Variants in RIF1 observed in about 807,000 individuals in gnomAD.
RIF1 encodes the protein telomere-associated protein RIF1.
RIF1 carries 45 observed loss-of-function variants against 247.1 expected under a neutral mutation model. The ratio of observed to expected loss-of-function variants is 0.18; its 90% CI spans 0.14 to 0.23. RIF1 has a LOEUF of 0.23. Ranked by LOEUF, RIF1 falls within the 10% of genes least tolerant of loss-of-function variation. The probability of loss-of-function intolerance (pLI) is 1.00; values close to 1 mark genes in which losing one functional copy is unlikely to be tolerated. For missense variants in RIF1, 2,967 were observed against 2,862.5 expected, an observed-to-expected ratio of 1.04 and a Z score of -0.83; for synonymous variants, 1,087 against 978.8, an observed-to-expected ratio of 1.11 and a Z score of -2.06.
chr2:151,462,375 A>G, intron 28 of RIF1, 37 bp from the exon 29 acceptor site: 4 of 1,461,542 alleles, frequency 2.7e-6, no homozygotes, highest in Non-Finnish European at 3.7e-6. Flanking sequence ...TTTTCAAATA[A>G]TTATAAAAAT....
chr2:151,469,809 G>A lies in RIF1; in HGVS notation c.7040G>A (p.Arg2347His), dbSNP rs1697518698. Residue 2347 changes from arginine to histidine, a missense_variant, in exon 34 of 36, where the codon CGT becomes CAT. This residue lies in a region of RIF1 where 151 missense variants were observed against 163.4 expected (regional missense o/e 0.92). Coordinates refer to ENST00000444746, the MANE Select transcript of RIF1 (RefSeq NM_018151.5). Reference protein sequence around the residue: ...TASEIKTLPIRSPKVSNVKKA... With the variant: ...TASEIKTLPIHSPKVSNVKKA... ...TCTGAAATAAAAACTCTTCCTATCC[G>A]TTCTCCAAAAGTGTCCAATGTAAAA... The A allele has an allele frequency of 6.8e-6, 11 of 1,611,240 alleles. No individual in the cohort carries two copies. Among genetic ancestry groups the A allele is most frequent in the Middle Eastern group, 1.6e-4 (1 of 6,062 alleles).
chr2:151,478,123 A>G lies in RIF1; in HGVS notation c.*3052A>G, dbSNP rs1300631601. The G allele has an allele frequency of 6.6e-6, 1 of 152,238 alleles. No individual in the cohort carries two copies. Among genetic ancestry groups the G allele is most frequent in the African/African-American group, 2.4e-5 (1 of 41,456 alleles). The allele number at this position is 152,238 out of a possible 1,614,324, so 9.4% of individuals were successfully genotyped here. A position where few individuals can be genotyped will look rare whatever the true frequency, so the allele number is the denominator to read the frequency against. On this transcript the variant is annotated 3_prime_UTR_variant, in exon 36 of 36. Coordinates refer to ENST00000444746, the MANE Select transcript of RIF1 (RefSeq NM_018151.5). ...TGCCACTTGTACAAGTTTGAAAACC[A>G]TTGTTGAATCATATGGAGCTTTACT...
At position 151,456,614 on chromosome 2, in the gene RIF1, C is replaced by A. The variant is rs1695234279; in HGVS notation, c.2646C>A (p.Asn882Lys). Residue 882 changes from asparagine to lysine, a missense_variant, in exon 23 of 36, where the codon AAC becomes AAA. By Grantham distance (94) the Asn-to-Lys change is moderately conservative (BLOSUM62 0). Transcript: ENST00000444746. Reference sequence around the variant, plus strand: ...TTCCTAAAGTATATAGTTGTCTGAACAACAAGGTAAAAATAGACAATTCTC... The same window carrying A: ...TTCCTAAAGTATATAGTTGTCTGAAAAACAAGGTAAAAATAGACAATTCTC... ...DEVPKVYSCLNNKLEKLLGEI... is the reference protein window; with the variant it reads ...DEVPKVYSCLKNKLEKLLGEI... 1 of 1,506,180 alleles carries A rather than the reference C, an allele frequency of 6.6e-7. No homozygotes were observed. The highest frequency in any genetic ancestry group is 9.1e-7 in the Non-Finnish European group (1 of 1,095,218). 93.3% of individuals were successfully genotyped at this position (1,506,180 alleles called of 1,614,324 possible). A position where few individuals can be genotyped will look rare whatever the true frequency, so the allele number is the denominator to read the frequency against.
chr2:151,495,918 AAG>A (rs999597063), intron 10 of RIF1, among the ~76,000 whole-genome samples: 2 of 152,194 alleles, frequency 1.3e-5, no homozygotes, highest in South Asian at 2.1e-4. Flanking sequence ...ATATTTAAGA[AAG>A]AGCCGCATTG....
At position 151,436,839 on chromosome 2, in the gene RIF1, C is replaced by A. The variant is rs145491800; in HGVS notation, c.1208C>A (p.Pro403Gln). 2 of 1,597,678 alleles carry A rather than the reference C, an allele frequency of 1.3e-6. No homozygotes were observed. Among genetic ancestry groups the A allele is most frequent in the African/African-American group, 2.7e-5 (2 of 73,814 alleles). The stretch of plus-strand genomic sequence containing the variant: ...TTTTTTCTTAAAGGTGCTTCCTCCC[C>A]GTACGGAGCCCCGGGAACTCCCCGA... ...MTPVHKGASS[P>Q]YGAPGTPRMN... is the part of the protein sequence containing the mutation. Residue 403 changes from proline (P) to glutamine (Q), a missense_variant, in exon 12 of 36, where the codon CCG (proline) becomes CAG (glutamine). Physicochemically the swap from Pro to Gln is moderately conservative, Grantham distance 76 (BLOSUM62 -1). This residue lies in a region of RIF1 where 369 missense variants were observed against 322.0 expected (regional missense o/e 1.15). Coordinates refer to ENST00000444746, the MANE Select transcript of RIF1 (RefSeq NM_018151.5).
intron 34 of RIF1, 51 bp downstream of exon 34, chr2:151,469,915 T>C (rs1697532205): frequency 7.5e-7 from 1 of 1,335,110 alleles, no homozygotes; most frequent in Non-Finnish European, 1.0e-6. Flanking sequence ...GATGTAGCAG[T>C]ACAGTTACAG....
intron 9 of RIF1, among the ~76,000 whole-genome samples, chr2:151,432,259 C>T (rs1690296192): frequency 6.6e-6 from 1 of 152,220 alleles, no homozygotes. Context: ...ACCAACCTGC[C>T]TCATCCTCCC....
chr2:151,421,610 A>G (rs988497734), intron 7 of RIF1, among the ~76,000 whole-genome samples: 3 of 152,182 alleles, frequency 2.0e-5, no homozygotes, highest in Admixed American at 6.5e-5. Context: ...AGGTCTCACT[A>G]TATTACCCAA....
At chr2:151,494,712 G>C (rs571380556) in intron 9 of RIF1, among the ~76,000 whole-genome samples, 1 of 152,106 alleles carries the variant, frequency 6.6e-6, no homozygotes, top group Non-Finnish European at 1.5e-5. Context: ...GCAATGGCAC[G>C]ATCCCTGCTC....
At chr2:151,517,272 C>G in the RIF1 span, among the ~76,000 whole-genome samples, 1 of 152,200 alleles carries the variant, frequency 6.6e-6, no homozygotes, top group Non-Finnish European at 1.5e-5. Flanking sequence ...TCTGGAAAAA[C>G]AGGCGAAGAC....
intron 9 of RIF1, among the ~76,000 whole-genome samples, chr2:151,431,777 C>CAA (rs1690176467): frequency 1.2e-5 from 1 of 85,086 alleles, no homozygotes; most frequent in African/African-American, 3.5e-5. Flanking sequence ...AAACTTCCGT[C>CAA]TCTGAATGAA....
the RIF1 span, chr2:151,514,911 A>G: frequency 3.2e-6 from 5 of 1,569,886 alleles, no homozygotes; most frequent in East Asian, 1.2e-4. Context: ...ACTCTTCATA[A>G]TCTTTCCTAT....
Position 151,463,651 on chromosome 2 carries a change from T to C in RIF1, c.4131T>C (p.Asn1377=). 1 of 1,613,470 alleles carries C rather than the reference T, an allele frequency of 6.2e-7. No individual in the cohort carries two copies. The highest frequency in any genetic ancestry group is 1.1e-5 in the South Asian group (1 of 91,056). Residue 1377 remains asparagine, a synonymous_variant, in exon 30 of 36, where the codon AAT becomes AAC. Transcript: ENST00000444746. ...LLETNTVEEK[N]VEINLESKEN... is the part of the protein sequence containing the mutation. ...AAACTAATACTGTAGAGGAGAAAAA[T>C]GTAGAAATTAATTTGGAATCCAAAG...
chr2:151,530,277 A>G, the RIF1 span, among the ~76,000 whole-genome samples: 1 of 152,188 alleles, frequency 6.6e-6, no homozygotes, highest in Admixed American at 6.5e-5. Context: ...ATAGGAGGGA[A>G]AGGCACAGAG....
At chr2:151,434,308 T>G in intron 10 of RIF1, among the ~76,000 whole-genome samples, 1 of 152,212 alleles carries the variant, frequency 6.6e-6, no homozygotes, top group Non-Finnish European at 1.5e-5. Flanking sequence ...TAGGTTCTTT[T>G]TAATTGTTAC....
chr2:151,490,535 T>G, intron 9 of RIF1: 1 of 1,605,570 alleles, frequency 6.2e-7, no homozygotes, highest in Non-Finnish European at 8.5e-7. Context: ...GAGATGCAGT[T>G]GGGGGAGATG....
downstream of RIF1, among the ~76,000 whole-genome samples, chr2:151,509,342 G>T (rs34219954): frequency 0.11 from 17,394 of 152,134 alleles, 1,431 homozygotes; most frequent in Non-Finnish European, 0.16. Context: ...AGTTCTCATT[G>T]TCCTGGGAAA....
intron 15 of RIF1, among the ~76,000 whole-genome samples, chr2:151,441,209 AC>A (rs769900268): frequency 1.2e-4 from 19 of 152,080 alleles, no homozygotes; most frequent in Non-Finnish European, 2.5e-4. Context: ...CAACAATGAG[AC>A]CCTGTCTCAA....
At chr2:151,411,178 A>T in intron 2 of RIF1, 82 bp from the exon 3 acceptor site, 1 of 864,660 alleles carries the variant, frequency 1.2e-6, no homozygotes, top group South Asian at 1.6e-5. Flanking sequence ...AGTAATTTTT[A>T]AAAAGATTGT....
Sources: allele counts gnomAD v4.1 joint callset (sites outside exome capture counted in the v4.1 genomes callset), GRCh38; gene constraint gnomAD v4.1.1; regional missense constraint gnomAD v4.1.1; transcripts MANE v1.5; gene names NCBI Gene and HGNC (gene_info 2026-07-23, HGNC 2026-07-21).